HS3ST5: variants seen among roughly 807,000 people sequenced by gnomAD.
HS3ST5 encodes the protein heparan sulfate glucosamine 3-O-sulfotransferase 5.
In HS3ST5, 10 loss-of-function variants were observed where a neutral mutation model predicts 25.4. That is an observed-to-expected ratio of 0.39 (90% CI 0.24 to 0.67). The LOEUF (loss-of-function observed/expected upper bound fraction) is 0.67, where lower values mean the gene tolerates loss of function less well. HS3ST5 is among the 30% of genes least tolerant of loss of function. HS3ST5 has a pLI of 0.44. For synonymous variants in HS3ST5, 170 were observed against 162.4 expected (o/e 1.05, Z -0.36); for missense variants, 324 against 420.7 (o/e 0.77, Z 2.01).
intron 1 of HS3ST5, among the ~76,000 whole-genome samples, chr6:114,292,698 C>G (rs1774634710): frequency 6.6e-6 from 1 of 152,192 alleles, no homozygotes; most frequent in South Asian, 2.1e-4. Flanking sequence ...CAGACATGTA[C>G]AGTCATCCTT....
At chr6:114,061,932 G>A (rs1582553172) in intron 4 of HS3ST5, among the ~76,000 whole-genome samples, 1 of 152,068 alleles carries the variant, frequency 6.6e-6, no homozygotes, top group Non-Finnish European at 1.5e-5. Context: ...TGGGCAATGA[G>A]CGAAACTCCA....
chr6:114,125,980 G>A (rs951268006), intron 3 of HS3ST5, among the ~76,000 whole-genome samples: 2 of 152,126 alleles, frequency 1.3e-5, no homozygotes, highest in African/African-American at 2.4e-5. Context: ...ATACCTATAG[G>A]AGGCCATTGA....
chr6:114,307,406 G>C (rs949170350), intron 1 of HS3ST5, among the ~76,000 whole-genome samples: 3 of 150,804 alleles, frequency 2.0e-5, no homozygotes, highest in Non-Finnish European at 4.4e-5. Flanking sequence ...ACAGGGATTT[G>C]TGAGAACTAG....
intron 1 of HS3ST5, among the ~76,000 whole-genome samples, chr6:114,268,417 T>C (rs1773501939): frequency 6.6e-6 from 1 of 152,164 alleles, no homozygotes; most frequent in South Asian, 2.1e-4. Context: ...GGAAACAGTA[T>C]ATATTTCCTA....
Position 114,056,139 on chromosome 6 carries a change from C to T in HS3ST5, c.*1118G>A, listed in dbSNP as rs1010295140. 9 of 152,186 alleles carry T rather than the reference C, an allele frequency of 5.9e-5. No homozygotes were observed. The highest frequency in any genetic ancestry group is 1.2e-4 in the Non-Finnish European group (8 of 68,026). The allele number at this position is 152,186 out of a possible 1,614,324, so 9.4% of individuals were successfully genotyped here. Reference sequence around the variant, plus strand: ...AGGTTCAAATAAAATGGTGATTCTTCTATGCCTTGATTCTGTTAAAATATT... The same window carrying T: ...AGGTTCAAATAAAATGGTGATTCTTTTATGCCTTGATTCTGTTAAAATATT... On this transcript the variant is annotated 3_prime_UTR_variant, in exon 5 of 5. Transcript: ENST00000312719.
chr6:114,160,294 G>A (rs1375078899), intron 3 of HS3ST5, among the ~76,000 whole-genome samples: 1 of 151,930 alleles, frequency 6.6e-6, no homozygotes. Flanking sequence ...TACTTTCTCA[G>A]TATCCTAGTA....
At chr6:114,207,906 A>C (rs1781346755) in intron 2 of HS3ST5, among the ~76,000 whole-genome samples, 2 of 152,150 alleles carry the variant, frequency 1.3e-5, no homozygotes. Flanking sequence ...TTCTGAGGGA[A>C]GTTTGTGCAT....
chr6:114,270,930 G>A (rs1384920481), intron 1 of HS3ST5, among the ~76,000 whole-genome samples: 2 of 151,724 alleles, frequency 1.3e-5, no homozygotes, highest in African/African-American at 4.8e-5. Flanking sequence ...ATATAATTTT[G>A]TTTAGGTTCC....
intron 3 of HS3ST5, among the ~76,000 whole-genome samples, chr6:114,110,570 G>A (rs1776219434): frequency 1.3e-5 from 2 of 152,256 alleles, no homozygotes; most frequent in South Asian, 2.1e-4. Context: ...CTAAACCCAA[G>A]GCCAAAAGAA....
rs925265632 is a variant in HS3ST5 at position 114,228,644 on chromosome 6, G to A, written c.-204C>T. On this transcript the variant is annotated 5_prime_UTR_variant, in exon 2 of 5. Coordinates refer to ENST00000312719, the MANE Select transcript of HS3ST5 (RefSeq NM_153612.4). ...ACATATATGGTGGAAACTTTCAAAGGAATATATGTAGTGGATTCTCTCCTT... is the reference window on the plus strand; with the variant it reads ...ACATATATGGTGGAAACTTTCAAAGAAATATATGTAGTGGATTCTCTCCTT... 2.0e-5 allele frequency: 3 copies of A among 152,070 alleles called. No individual in the cohort carries two copies. Among genetic ancestry groups the A allele is most frequent in the African/African-American group, 7.2e-5 (3 of 41,408 alleles). 9.4% of individuals were successfully genotyped at this position (152,070 alleles called of 1,614,324 possible).
chr6:114,249,659 G>A (rs1181123154), intron 1 of HS3ST5, among the ~76,000 whole-genome samples: 9 of 152,198 alleles, frequency 5.9e-5, no homozygotes, highest in Admixed American at 5.2e-4. Context: ...TGGTCAGTGT[G>A]GGATACAAAG....
At chr6:114,187,569 A>G (rs1380379414) in intron 2 of HS3ST5, among the ~76,000 whole-genome samples, 1 of 152,230 alleles carries the variant, frequency 6.6e-6, no homozygotes, top group Non-Finnish European at 1.5e-5. Flanking sequence ...ATGAGCAAAG[A>G]AAGTGGATTT....
intron 2 of HS3ST5, among the ~76,000 whole-genome samples, chr6:114,215,254 C>T (rs9481431): frequency 5.9e-5 from 9 of 152,156 alleles, no homozygotes; most frequent in Admixed American, 1.3e-4. Flanking sequence ...TCCAGTGAGC[C>T]GAGGTCACGC....
chr6:114,067,543 A>G (rs139225543), intron 3 of HS3ST5, among the ~76,000 whole-genome samples: 2 of 152,276 alleles, frequency 1.3e-5, no homozygotes, highest in East Asian at 1.9e-4. Context: ...CCCAGTTATT[A>G]CTATAGAGGT....
chr6:114,291,517 G>C (rs537929813), intron 1 of HS3ST5, among the ~76,000 whole-genome samples: 3 of 152,130 alleles, frequency 2.0e-5, no homozygotes, highest in Non-Finnish European at 4.4e-5. Context: ...TCCCCCATTT[G>C]ATGGGGTATT....
intron 4 of HS3ST5, 70 bp from the exon 5 acceptor site, chr6:114,058,260 A>C: frequency 8.3e-7 from 1 of 1,203,256 alleles, no homozygotes; most frequent in Non-Finnish European, 1.2e-6. Flanking sequence ...CCCCAGTCAG[A>C]CCAAGACTTT....
chr6:114,062,513 A>C (rs1251807686), intron 4 of HS3ST5, among the ~76,000 whole-genome samples: 1 of 152,200 alleles, frequency 6.6e-6, no homozygotes, highest in African/African-American at 2.4e-5. Flanking sequence ...AACAAGTGTC[A>C]ATGCACACGG....
chr6:114,213,068 T>C (rs1253381876), intron 2 of HS3ST5, among the ~76,000 whole-genome samples: 4 of 152,088 alleles, frequency 2.6e-5, no homozygotes, highest in East Asian at 3.9e-4. Context: ...GAGGATTTTA[T>C]TGCCGATGAA....
intron 1 of HS3ST5, among the ~76,000 whole-genome samples, chr6:114,319,947 G>A (rs1272279219): frequency 6.6e-6 from 1 of 151,784 alleles, no homozygotes; most frequent in African/African-American, 2.4e-5. Flanking sequence ...AACAATGGAC[G>A]GCACATCAAG....
Sources: allele counts gnomAD v4.1 joint callset (sites outside exome capture counted in the v4.1 genomes callset), GRCh38; gene constraint gnomAD v4.1.1; transcripts MANE v1.5; gene names NCBI Gene and HGNC (gene_info 2026-07-23, HGNC 2026-07-21).